Variants in FGF23 observed in about 807,000 individuals in gnomAD.
The protein encoded by FGF23 is phosphatonin.
Under a neutral mutation model 9.0 loss-of-function variants are expected in FGF23, and 8 were observed. That is an observed-to-expected ratio of 0.89 (90% CI 0.52 to 1.60). The LOEUF (loss-of-function observed/expected upper bound fraction) is 1.60. Ranked by LOEUF, FGF23 falls within the 40% of genes most tolerant of loss-of-function variation. FGF23 has a pLI of 0.00. For missense variants in FGF23, 311 were observed against 344.3 expected (o/e 0.90, Z 0.77); for synonymous variants, 118 against 146.2 (o/e 0.81, Z 1.39).
intron 1 of FGF23, 107 bp from the exon 2 acceptor site, chr12:4,372,804 G>C (rs1041182719): frequency 1.3e-5 from 10 of 783,976 alleles, no homozygotes; most frequent in African/African-American, 3.4e-5. Flanking sequence ...TGATTTTAAG[G>C]GTGGTGATAA....
In FGF23 at chr12:4,371,171, G is replaced by T. The variant is rs528583698; in HGVS notation, c.316-388C>A. On this transcript the variant is annotated intron_variant, in intron 2 of 2. Coordinates refer to ENST00000237837, the MANE Select transcript of FGF23 (RefSeq NM_020638.3). The stretch of plus-strand genomic sequence containing the variant: ...AAAGGAGAGGGGATGGAGTTTATAG[G>T]GTCAAACATGAATGAGAGCACTGAC... 2.0e-5 allele frequency among the ~76,000 whole-genome samples: 3 copies of T among 152,238 alleles called. No homozygotes were observed. The South Asian group carries it at 6.2e-4, about 32-fold the overall frequency.
At chr12:4,372,919 T>G (rs1024786552) in intron 1 of FGF23, among the ~76,000 whole-genome samples, 4 of 152,356 alleles carry the variant, frequency 2.6e-5, no homozygotes, top group African/African-American at 9.6e-5. Flanking sequence ...CTGCTTCATC[T>G]TGTTGCCTGT....
At chr12:4,372,406 G>A (rs1339336113) in intron 2 of FGF23, among the ~76,000 whole-genome samples, 188 bp downstream of exon 2, 1 of 152,094 alleles carries the variant, frequency 6.6e-6, no homozygotes, top group East Asian at 1.9e-4. Flanking sequence ...GATTGCCTGA[G>A]TTCAAACCCC....
rs1411080842 is a variant in FGF23 at position 4,370,510 on chromosome 12, C to T, written c.589G>A (p.Ala197Thr). The change falls in exon 3 of 3, where the codon GCC (alanine) becomes ACC (threonine). Residue 197 changes from alanine (A) to threonine (T), a missense_variant. Physicochemically the swap from Ala to Thr is moderately conservative, Grantham distance 58. Transcript: ENST00000237837. The part of the protein sequence containing the change: ...RDPLNVLKPR[A>T]RMTPAPASCS... ...GAGGCCGGGGCCGGGGTCATCCGGG[C>T]CCGGGGCTTCAGCACGTTCAGGGGG... 1.9e-6 allele frequency: 3 copies of T among 1,611,614 alleles called. No homozygotes were observed. The highest frequency in any genetic ancestry group is 2.2e-5 in the South Asian group (2 of 91,004).
chr12:4,377,727 GC>G (rs61621253), intron 1 of FGF23, among the ~76,000 whole-genome samples: 108,785 of 151,068 alleles, frequency 0.72, 40,887 homozygotes, highest in Middle Eastern at 0.89. Context: ...ACCACACCTG[GC>G]CCACATATAG....
At chr12:4,375,393 G>A (rs760312500) in intron 1 of FGF23, among the ~76,000 whole-genome samples, 14 of 152,184 alleles carry the variant, frequency 9.2e-5, no homozygotes, top group African/African-American at 1.4e-4. Context: ...AAGCTGCTAC[G>A]GAGGGCACAC....
chr12:4,373,865 C>T (rs1282160037), intron 1 of FGF23, among the ~76,000 whole-genome samples: 1 of 152,110 alleles, frequency 6.6e-6, no homozygotes, highest in Non-Finnish European at 1.5e-5. Flanking sequence ...TCATAGCCTC[C>T]AGGGAGGCAG....
chr12:4,372,406 G>T (rs1339336113), intron 2 of FGF23, among the ~76,000 whole-genome samples, 188 bp downstream of exon 2: 2 of 152,094 alleles, frequency 1.3e-5, no homozygotes, highest in Admixed American at 1.3e-4. Context: ...GATTGCCTGA[G>T]TTCAAACCCC....
chr12:4,374,629 G>A (rs1475388692), intron 1 of FGF23, among the ~76,000 whole-genome samples: 2 of 143,592 alleles, frequency 1.4e-5, no homozygotes, highest in African/African-American at 2.6e-5. Context: ...CAGCCTGGGC[G>A]ACAGAGCGAG....
intron 1 of FGF23, among the ~76,000 whole-genome samples, chr12:4,374,277 C>T (rs2120736887): frequency 6.6e-6 from 1 of 152,322 alleles, no homozygotes. Context: ...TAAATTCCTC[C>T]ACAGTGGTGT....
At chr12:4,374,667 A>G (rs1479158375) in intron 1 of FGF23, among the ~76,000 whole-genome samples, 1 of 151,848 alleles carries the variant, frequency 6.6e-6, no homozygotes, top group African/African-American at 2.4e-5. Flanking sequence ...AAAAAAAAGA[A>G]ATGGTTTCTG....
chr12:4,372,448 C>A, intron 2 of FGF23, 146 bp downstream of exon 2: 1 of 685,952 alleles, frequency 1.5e-6, no homozygotes, highest in Non-Finnish European at 2.7e-6. Flanking sequence ...ACGTTTAATT[C>A]ATACTTAGAC....
chr12:4,375,284 G>A (rs551990048), intron 1 of FGF23, among the ~76,000 whole-genome samples: 1 of 152,314 alleles, frequency 6.6e-6, no homozygotes, highest in Admixed American at 6.5e-5. Flanking sequence ...CTGGCTTGAT[G>A]CTTGGGGTCA....
Position 4,379,583 on chromosome 12 carries a change from C to T in FGF23, c.-1G>A, listed in dbSNP as rs140688995. The T allele has an allele frequency of 3.1e-6, 5 of 1,595,074 alleles. No individual in the cohort carries two copies. The highest frequency in any genetic ancestry group is 1.3e-5 in the African/African-American group (1 of 74,452). On this transcript the variant is annotated 5_prime_UTR_variant, in exon 1 of 3. Coordinates refer to ENST00000237837, the MANE Select transcript of FGF23 (RefSeq NM_020638.3). ...AGAGCCTGAGGCGGGCCCCCAACAT[C>T]GTGCCCTGCTCTGAGTGGCTGGTGC...
intron 1 of FGF23, among the ~76,000 whole-genome samples, chr12:4,373,240 A>G (rs1392104595): frequency 2.0e-5 from 3 of 152,154 alleles, no homozygotes; most frequent in African/African-American, 4.8e-5. Flanking sequence ...TTCTCTACTT[A>G]TTGAAGTCAC....
intron 2 of FGF23, among the ~76,000 whole-genome samples, chr12:4,371,374 G>A (rs758758298): frequency 1.1e-4 from 17 of 152,164 alleles, no homozygotes; most frequent in Non-Finnish European, 2.1e-4. Context: ...AGGGGTTAAC[G>A]GATGTTTAGT....
chr12:4,376,504 A>G (rs536367800), intron 1 of FGF23, among the ~76,000 whole-genome samples: 24 of 151,880 alleles, frequency 1.6e-4, no homozygotes, highest in Admixed American at 1.3e-3. Flanking sequence ...ACATGCATTA[A>G]TCTTTCCTCT....
intron 1 of FGF23, among the ~76,000 whole-genome samples, chr12:4,375,632 C>T (rs13312774): frequency 4.5e-4 from 68 of 152,252 alleles, no homozygotes; most frequent in African/African-American, 1.6e-3. Flanking sequence ...GAGGTGTCTC[C>T]GTGCGTGTGA....
intron 1 of FGF23, among the ~76,000 whole-genome samples, chr12:4,376,544 C>T (rs1251551319): frequency 2.7e-5 from 4 of 150,620 alleles, no homozygotes; most frequent in Non-Finnish European, 5.9e-5. Flanking sequence ...TTTTTTGAGA[C>T]GGAGTCTCAC....
Sources: allele counts gnomAD v4.1 joint callset (sites outside exome capture counted in the v4.1 genomes callset), GRCh38; gene constraint gnomAD v4.1.1; transcripts MANE v1.5; gene names NCBI Gene and HGNC (gene_info 2026-07-23, HGNC 2026-07-21).